Variants in MACROD2 observed in about 807,000 individuals in gnomAD.
MACROD2 encodes the protein mono-ADP ribosylhydrolase 2, also known as ADP-ribose glycohydrolase MACROD2.
A neutral mutation model predicts 70.4 loss-of-function variants in MACROD2; 36 were observed. The ratio of observed to expected loss-of-function variants is 0.51; its 90% CI spans 0.39 to 0.68. The LOEUF is 0.68. MACROD2 is among the 30% of genes least tolerant of loss of function. The probability of loss-of-function intolerance (pLI) is 0.00; values close to 1 mark genes in which losing one functional copy is unlikely to be tolerated. For synonymous variants in MACROD2, 172 were observed against 178.8 expected (o/e 0.96, Z 0.30); for missense variants, 496 against 538.4 (o/e 0.92, Z 0.78).
chr20:14,686,146 C>T (rs780111807), intron 5 of MACROD2, among the ~76,000 whole-genome samples: 3 of 152,088 alleles, frequency 2.0e-5, no homozygotes, highest in Non-Finnish European at 4.4e-5. Flanking sequence ...ACATATATGG[C>T]GGTGGTCCTA....
chr20:14,402,496 A>T (rs2083647927), intron 3 of MACROD2, among the ~76,000 whole-genome samples: 1 of 151,942 alleles, frequency 6.6e-6, no homozygotes, highest in Admixed American at 6.6e-5. Context: ...TCATAGGGGA[A>T]ATGTATGTGT....
chr20:14,417,458 A>G (rs1383741851), intron 3 of MACROD2, among the ~76,000 whole-genome samples: 1 of 152,174 alleles, frequency 6.6e-6, no homozygotes, highest in Non-Finnish European at 1.5e-5. Context: ...ACCTATTTCA[A>G]TATCTAGAGG....
chr20:15,810,191 A>G lies in MACROD2; in HGVS notation c.646-52554A>G, dbSNP rs1284453777. Reference sequence around the variant, plus strand: ...CATCCATGTCCCTACAAAGGATATGAACTCATCATTTTTTATGGCTGCATA... The same window carrying G: ...CATCCATGTCCCTACAAAGGATATGGACTCATCATTTTTTATGGCTGCATA... On this transcript the variant is annotated intron_variant, in intron 8 of 17. Coordinates refer to ENST00000684519, the MANE Select transcript of MACROD2 (RefSeq NM_001351661.2). 3.3e-5 allele frequency among the ~76,000 whole-genome samples: 5 copies of G among 151,990 alleles called. No individual in the cohort carries two copies. In the East Asian group the frequency reaches 5.8e-4, roughly 18 times the overall value.
intron 5 of MACROD2, among the ~76,000 whole-genome samples, chr20:14,859,611 T>G (rs2073293055): frequency 6.6e-6 from 1 of 152,206 alleles, no homozygotes; most frequent in South Asian, 2.1e-4. Context: ...GGTGATTTTC[T>G]GAGAGATTCT....
chr20:14,469,282 T>A (rs1052361075), intron 3 of MACROD2, among the ~76,000 whole-genome samples: 4 of 152,232 alleles, frequency 2.6e-5, no homozygotes, highest in Non-Finnish European at 5.9e-5. Flanking sequence ...TTGTAGGGTT[T>A]CTGCAGAGAG....
At chr20:14,432,590 TTC>T (rs1237330822) in intron 3 of MACROD2, among the ~76,000 whole-genome samples, 1 of 152,142 alleles carries the variant, frequency 6.6e-6, no homozygotes, top group Non-Finnish European at 1.5e-5. Flanking sequence ...AGTTGTTACT[TTC>T]TGTTTTCTTA....
At chr20:14,574,345 A>G (rs1980423837) in intron 4 of MACROD2, among the ~76,000 whole-genome samples, 1 of 152,170 alleles carries the variant, frequency 6.6e-6, no homozygotes, top group South Asian at 2.1e-4. Flanking sequence ...TCTCAGCTGC[A>G]TCTCAAATCA....
intron 5 of MACROD2, among the ~76,000 whole-genome samples, chr20:14,887,863 T>TAA (rs11474913): frequency 0.012 from 1,685 of 142,694 alleles, 41 homozygotes; most frequent in African/African-American, 0.041. Context: ...AGAAAAGCAT[T>TAA]AAAAAAAAAA....
Position 14,678,952 on chromosome 20 carries a change from G to GAA in MACROD2, c.302-5881_302-5880dup, listed in dbSNP as rs771805803. Among the ~76,000 whole-genome samples the GAA allele has an allele frequency of 3.6e-3, 513 of 142,358 alleles. 5 individuals carry two copies. The highest frequency in any genetic ancestry group is 0.012 in the African/African-American group (480 of 39,016). The allele number at this position is 142,358 out of a possible 152,430, so 93.4% of individuals were successfully genotyped here. On this transcript the variant is annotated intron_variant, in intron 4 of 17. Coordinates refer to ENST00000684519, the MANE Select transcript of MACROD2 (RefSeq NM_001351661.2). ...CCTAACCATTTCCTCAGTATTATCAGAAAAAAAAAAACAACACATTACTTT... is the reference window on the plus strand; with the variant it reads ...CCTAACCATTTCCTCAGTATTATCAGAAAAAAAAAAAAACAACACATTACTTT...
chr20:14,593,933 C>T (rs1029467839), intron 4 of MACROD2, among the ~76,000 whole-genome samples: 6 of 152,242 alleles, frequency 3.9e-5, no homozygotes, highest in East Asian at 1.9e-4. Context: ...AATATTTGTC[C>T]TTCCCTTTGT....
chr20:14,964,145 A>C (rs2074609449), intron 5 of MACROD2, among the ~76,000 whole-genome samples: 2 of 152,162 alleles, frequency 1.3e-5, no homozygotes, highest in African/African-American at 4.8e-5. Context: ...TCAATGAAAT[A>C]TAAATGGTAT....
intron 6 of MACROD2, among the ~76,000 whole-genome samples, chr20:15,428,685 GTTTAAC>G (rs575823284): frequency 1.4e-4 from 21 of 152,176 alleles, no homozygotes; most frequent in Non-Finnish European, 2.8e-4. Flanking sequence ...TAGTATATGT[GTTTAAC>G]TTTAACTGCA....
intron 4 of MACROD2, among the ~76,000 whole-genome samples, chr20:14,615,366 C>T (rs1036603114): frequency 6.6e-6 from 1 of 152,058 alleles, no homozygotes; most frequent in Non-Finnish European, 1.5e-5. Flanking sequence ...GCGTCCATCA[C>T]ATGCAACAAG....
At position 15,328,159 on chromosome 20, in the gene MACROD2, T is replaced by G. The variant is rs138063713; in HGVS notation, c.540+98098T>G. On this transcript the variant is annotated intron_variant, in intron 6 of 17. Coordinates refer to ENST00000684519, the MANE Select transcript of MACROD2 (RefSeq NM_001351661.2). ...AGGACAGGCCTCATTAGGAAGGTAATAGTTAGATAAATTTTTGAGAGCAGT... is the reference window on the plus strand; with the variant it reads ...AGGACAGGCCTCATTAGGAAGGTAAGAGTTAGATAAATTTTTGAGAGCAGT... 3.3e-5 allele frequency among the ~76,000 whole-genome samples: 5 copies of G among 151,930 alleles called. No individual in the cohort carries two copies. In the East Asian group the frequency reaches 9.7e-4, roughly 30 times the overall value.
intron 5 of MACROD2, among the ~76,000 whole-genome samples, chr20:15,166,703 G>A (rs964183655): frequency 3.3e-5 from 5 of 151,610 alleles, no homozygotes; most frequent in Non-Finnish European, 7.4e-5. Context: ...ACTAGATTAA[G>A]GGTATTTATT....
chr20:15,409,102 T>C (rs767525740), intron 6 of MACROD2, among the ~76,000 whole-genome samples: 16 of 152,120 alleles, frequency 1.1e-4, no homozygotes, highest in Non-Finnish European at 2.2e-4. Flanking sequence ...TGCTAGCCAG[T>C]TCTGGTTGGA....
At chr20:14,176,867 G>A (rs145083571) in intron 3 of MACROD2, among the ~76,000 whole-genome samples, 6 of 152,170 alleles carry the variant, frequency 3.9e-5, no homozygotes, top group East Asian at 3.9e-4. Flanking sequence ...CATCTGTTTC[G>A]ATTATATATT....
intron 8 of MACROD2, chr20:15,619,611 C>A: frequency 2.2e-6 from 1 of 453,202 alleles, no homozygotes; most frequent in Non-Finnish European, 4.0e-6. Context: ...GCTTATTCTC[C>A]TATTTGGCTT....
intron 6 of MACROD2, among the ~76,000 whole-genome samples, chr20:15,378,941 G>T (rs777834017): frequency 6.6e-5 from 10 of 152,154 alleles, no homozygotes; most frequent in Admixed American, 5.9e-4. Context: ...GTGCTTAGCT[G>T]CCACTGAGGC....
Sources: allele counts gnomAD v4.1 joint callset (sites outside exome capture counted in the v4.1 genomes callset), GRCh38; gene constraint gnomAD v4.1.1; transcripts MANE v1.5; gene names NCBI Gene and HGNC (gene_info 2026-07-23, HGNC 2026-07-21).